ISL2: variants seen among roughly 807,000 people sequenced by gnomAD.
ISL2 encodes the protein ISL LIM homeobox 2.
Under a neutral mutation model 34.6 loss-of-function variants are expected in ISL2, and 17 were observed. The observed-to-expected ratio is 0.49, with a 90% confidence interval of 0.34 to 0.74. The LOEUF (loss-of-function observed/expected upper bound fraction) is 0.74, where lower values mean the gene tolerates loss of function less well. Ranked by LOEUF, ISL2 falls within the 30% of genes least tolerant of loss-of-function variation. ISL2 has a pLI of 0.01. For missense variants in ISL2, 469 were observed against 515.2 expected (o/e 0.91, Z 0.87); for synonymous variants, 232 against 225.5 (o/e 1.03, Z -0.26).
chr15:76,341,837 G>GTGGCA lies in ISL2; in HGVS notation c.*2_*3insTGGCA. ...GTGCCGAGTCCCGTGGAGACGTGAGGGGGACCCCTCCCTGCCAGCCCGCGG... is the reference window on the plus strand; with the variant it reads ...GTGCCGAGTCCCGTGGAGACGTGAGGTGGCAGGGACCCCTCCCTGCCAGCCCGCGG... On this transcript the variant is annotated 3_prime_UTR_variant, in exon 6 of 6. Coordinates refer to ENST00000290759, the MANE Select transcript of ISL2 (RefSeq NM_145805.3). The GTGGCA allele has an allele frequency of 2.5e-6, 4 of 1,606,308 alleles. No individual in the cohort carries two copies. Among genetic ancestry groups the GTGGCA allele is most frequent in the Non-Finnish European group, 3.4e-6 (4 of 1,173,580 alleles).
chr15:76,339,933 G>C, intron 3 of ISL2: 7 of 1,110,492 alleles, frequency 6.3e-6, no homozygotes, highest in Non-Finnish European at 7.7e-6. Context: ...GACTTCTTCC[G>C]GAGGGCTTCG....
chr15:76,339,455 C>T (rs558816960), intron 3 of ISL2: 1 of 985,350 alleles, frequency 1.0e-6, no homozygotes, highest in Non-Finnish European at 1.2e-6. Context: ...TGGGAGCAAG[C>T]GGGTATTCAG....
intron 4 of ISL2, 65 bp from the exon 5 acceptor site, chr15:76,341,069 T>C (rs1024751936): frequency 1.4e-6 from 2 of 1,433,344 alleles, no homozygotes; most frequent in African/African-American, 1.4e-5. Context: ...GGAGCTCCAG[T>C]CTCAAAGGTG....
chr15:76,338,183 C>G, intron 2 of ISL2, 69 bp from the exon 3 acceptor site: 5 of 1,491,206 alleles, frequency 3.4e-6, no homozygotes, highest in Non-Finnish European at 4.4e-6. Context: ...CGCGCCGGAG[C>G]CGTAGCAGCC....
chr15:76,338,918 G>C, intron 3 of ISL2: 2 of 985,428 alleles, frequency 2.0e-6, no homozygotes, highest in Non-Finnish European at 2.4e-6. Flanking sequence ...ATGTGTGTAA[G>C]TAACACAGCT....
intron 3 of ISL2, 56 bp from the exon 4 acceptor site, chr15:76,340,192 GGGGGCTGGGCCACCCGGAGGTTGGGCTC>G: frequency 6.9e-7 from 1 of 1,451,332 alleles, no homozygotes; most frequent in Non-Finnish European, 9.0e-7. Context: ...TCGGGCCCCG[GGGGGCTGGGCCACCCGGAGGTTGGGCTC>G]GGGGCGGGTG....
chr15:76,340,100 A>G, intron 3 of ISL2, 176 bp from the exon 4 acceptor site: 1 of 1,416,794 alleles, frequency 7.1e-7, no homozygotes, highest in Non-Finnish European at 9.2e-7. Flanking sequence ...ACGAAAATGC[A>G]CAGCTCTCTC....
At chr15:76,339,834 C>T in intron 3 of ISL2, 5 of 1,005,484 alleles carry the variant, frequency 5.0e-6, no homozygotes, top group Non-Finnish European at 5.9e-6. Context: ...CACCCAGTCC[C>T]CTGGGCAGCG....
At position 76,337,888 on chromosome 15, in the gene ISL2, G is replaced by A. The variant is rs2040163548; in HGVS notation, c.169G>A (p.Glu57Lys). 1 of 1,612,762 alleles carries A rather than the reference G, an allele frequency of 6.2e-7. No homozygotes were observed. The highest frequency in any genetic ancestry group is 1.7e-5 in the Admixed American group (1 of 59,994). The change falls in exon 2 of 6, where the codon GAG (glutamate) becomes AAG (lysine). Residue 57 changes from glutamate to lysine, a missense_variant. Around this residue, in one of 3 missense-constraint regions of ISL2, gnomAD observed 297 missense variants for 337.8 expected, o/e 0.88. Coordinates refer to ENST00000290759, the MANE Select transcript of ISL2 (RefSeq NM_145805.3). ...GCACGCGGCCTGCCTCAAGTGTGCC[G>A]AGTGCAGCCAGTACCTGGACGAGAC... ...EWHAACLKCA[E>K]CSQYLDETCT... is the part of the protein sequence containing the mutation.
In ISL2 at chr15:76,338,512, C is replaced by A. The variant is rs2040169757; in HGVS notation, c.509C>A (p.Pro170His). The change falls in exon 3 of 6, where the codon CCC becomes CAC. Residue 170 changes from proline to histidine, a missense_variant and splice_region_variant. By Grantham distance (77) the Pro-to-His change is moderately conservative. Coordinates refer to ENST00000290759, the MANE Select transcript of ISL2 (RefSeq NM_145805.3). ...PLPGARGLHL[P>H]DAGSGRQPAL... ...CCCGGCGCCCGCGGCCTGCATCTGCCCGGTAAGCGCGCCGGGGCCTGTGCC... is the reference window on the plus strand; with the variant it reads ...CCCGGCGCCCGCGGCCTGCATCTGCACGGTAAGCGCGCCGGGGCCTGTGCC... The A allele has an allele frequency of 1.5e-6, 2 of 1,306,510 alleles. No individual in the cohort carries two copies. Among genetic ancestry groups the A allele is most frequent in the Non-Finnish European group, 1.9e-6 (2 of 1,033,210 alleles). The allele number at this position is 1,306,510 out of a possible 1,614,324, so 80.9% of individuals were successfully genotyped here.
rs1596241003 is a variant in ISL2, at chr15:76,341,032, A to G, written c.796-102A>G. ...CGAGTGTGCGCCTCCCCGCAAAGCA[A>G]TGCAGACCCTAAATCACTCAAGGCC... On this transcript the variant is annotated intron_variant, in intron 4 of 5. Coordinates refer to ENST00000290759, the MANE Select transcript of ISL2 (RefSeq NM_145805.3). The G allele has an allele frequency of 7.9e-6, 9 of 1,144,816 alleles. No homozygotes were observed. In the East Asian group the frequency reaches 2.0e-4, roughly 25 times the overall value. The allele number at this position is 1,144,816 out of a possible 1,614,324, so 70.9% of individuals were successfully genotyped here.
chr15:76,338,155 C>T lies in ISL2; in HGVS notation c.249-97C>T, dbSNP rs2040166671. The T allele has an allele frequency of 2.1e-6, 3 of 1,448,126 alleles. No individual in the cohort carries two copies. In the South Asian group the frequency reaches 4.1e-5, roughly 20 times the overall value. The allele number at this position is 1,448,126 out of a possible 1,614,324, so 89.7% of individuals were successfully genotyped here. A position where few individuals can be genotyped will look rare whatever the true frequency, so the allele number is the denominator to read the frequency against. On this transcript the variant is annotated intron_variant, in intron 2 of 5. Coordinates refer to ENST00000290759, the MANE Select transcript of ISL2 (RefSeq NM_145805.3). Reference sequence around the variant, plus strand: ...CGGGTCACCGCAGTCTCCTGGTGGCCACAAAGTGTCCTGGGCGCGCGCCGG... The same window carrying T: ...CGGGTCACCGCAGTCTCCTGGTGGCTACAAAGTGTCCTGGGCGCGCGCCGG...
intron 3 of ISL2, chr15:76,338,905 G>A (rs1246960061): frequency 2.0e-6 from 2 of 985,268 alleles, no homozygotes; most frequent in Admixed American, 6.2e-5. Context: ...TTTGCCCAGG[G>A]GTATGTGTGT....
intron 4 of ISL2, 22 bp from the exon 5 acceptor site, chr15:76,341,111 AC>A: frequency 1.3e-6 from 2 of 1,536,076 alleles, no homozygotes; most frequent in Non-Finnish European, 1.8e-6. Context: ...TCGAGCACCT[AC>A]TGCCTTCTGC....
chr15:76,337,736 G>C (rs1052806121), intron 1 of ISL2, 42 bp from the exon 2 acceptor site: 45 of 1,500,852 alleles, frequency 3.0e-5, no homozygotes, highest in Non-Finnish European at 3.9e-5. Flanking sequence ...GCCTGGGTCC[G>C]GGCAGTCAGG....
intron 5 of ISL2, 69 bp from the exon 6 acceptor site, chr15:76,341,650 C>A: frequency 8.4e-7 from 1 of 1,191,656 alleles, no homozygotes; most frequent in Non-Finnish European, 1.3e-6. Context: ...CGACTCGGAG[C>A]ACGCGGCCCT....
intron 3 of ISL2, chr15:76,340,012 T>G: frequency 7.7e-7 from 1 of 1,295,092 alleles, no homozygotes; most frequent in Non-Finnish European, 9.8e-7. Flanking sequence ...CGCAGCGGCC[T>G]GTCGCCGAGC....
In ISL2 at chr15:76,340,337, G is replaced by C. The variant is rs200011600; in HGVS notation, c.573G>C (p.Thr191=). 38 of 1,612,320 alleles carry C rather than the reference G, an allele frequency of 2.4e-5. No individual in the cohort carries two copies. The highest frequency in any genetic ancestry group is 3.3e-5 in the Admixed American group (2 of 59,982). Residue 191 remains threonine, a synonymous_variant, in exon 4 of 6, where the codon ACG becomes ACC. Transcript: ENST00000290759. ...ACGTGCACAAGCAGACGGAGAAGAC[G>C]ACCCGCGTGCGGACTGTGCTGAACG... ...RPHVHKQTEK[T]TRVRTVLNEK... is the part of the protein sequence containing the mutation.
In ISL2 at chr15:76,338,309, G is replaced by A; in HGVS notation, c.306G>A (p.Val102=). 1 of 1,584,974 alleles carries A rather than the reference G, an allele frequency of 6.3e-7. No individual in the cohort carries two copies. The highest frequency in any genetic ancestry group is 8.5e-7 in the Non-Finnish European group (1 of 1,170,738). ...TGGGCTTCAGCAGCAGCGACCTGGT[G>A]ATGAGGGCGCGGGACAGCGTGTACC... ...CQVGFSSSDL[V]MRARDSVYHI... is the part of the protein sequence containing the mutation. Residue 102 remains valine, a synonymous_variant, in exon 3 of 6, where the codon GTG becomes GTA. Coordinates refer to ENST00000290759, the MANE Select transcript of ISL2 (RefSeq NM_145805.3).
Sources: allele counts gnomAD v4.1 joint callset, GRCh38; gene constraint gnomAD v4.1.1; regional missense constraint gnomAD v4.1.1; transcripts MANE v1.5; gene names NCBI Gene and HGNC (gene_info 2026-07-23, HGNC 2026-07-21).